PCDH9: variants seen among roughly 807,000 people sequenced by gnomAD.
PCDH9 encodes protocadherin-9.
In PCDH9, 24 loss-of-function variants were observed where a neutral mutation model predicts 70.6. The observed-to-expected ratio is 0.34, with a 90% CI of 0.25 to 0.48. PCDH9 has a LOEUF of 0.48. Ranked by LOEUF, PCDH9 falls within the 20% of genes least tolerant of loss-of-function variation. The probability of loss-of-function intolerance (pLI) is 0.99; values close to 1 mark genes in which losing one functional copy is unlikely to be tolerated. For synonymous variants in PCDH9, 562 were observed against 558.5 expected (o/e 1.01, Z -0.09); for missense variants, 1,281 against 1,503.6 (o/e 0.85, Z 2.45).
intron 4 of PCDH9, among the ~76,000 whole-genome samples, chr13:66,586,121 T>C (rs2076959714): frequency 6.6e-6 from 1 of 152,156 alleles, no homozygotes; most frequent in South Asian, 2.1e-4. Flanking sequence ...AACTAAATGA[T>C]GGCTTAATAG....
chr13:66,893,067 C>T (rs1262300433), intron 3 of PCDH9, among the ~76,000 whole-genome samples: 2 of 152,022 alleles, frequency 1.3e-5, no homozygotes, highest in Non-Finnish European at 2.9e-5. Context: ...CTTTGAGTAT[C>T]ATTTATAATC....
rs1368539979 is a variant in PCDH9, at chr13:66,545,840, T to C, written c.3340+85370A>G. On this transcript the variant is annotated intron_variant, in intron 4 of 4. Transcript: ENST00000377865. The stretch of plus-strand genomic sequence containing the variant: ...TTTATTTTATTTTATTTTATTTATT[T>C]ATTTATTTATTTATTTTGAGACGGA... Among the ~76,000 whole-genome samples, 2 of 150,766 alleles carry C rather than the reference T, an allele frequency of 1.3e-5. 1 individual carries two copies. The highest frequency in any genetic ancestry group is 4.9e-5 in the African/African-American group (2 of 41,192).
intron 3 of PCDH9, among the ~76,000 whole-genome samples, chr13:66,711,935 G>T (rs1203371487): frequency 6.6e-6 from 1 of 152,104 alleles, no homozygotes; most frequent in Non-Finnish European, 1.5e-5. Flanking sequence ...TTATGTCTCT[G>T]CTTTCCAGTT....
At chr13:66,873,828 C>T (rs1345075279) in intron 3 of PCDH9, among the ~76,000 whole-genome samples, 2 of 151,944 alleles carry the variant, frequency 1.3e-5, no homozygotes, top group Non-Finnish European at 2.9e-5. Context: ...AATTTGGTGC[C>T]CAGAATTGAA....
intron 3 of PCDH9, among the ~76,000 whole-genome samples, chr13:66,881,636 T>G (rs965511354): frequency 2.6e-5 from 4 of 152,206 alleles, no homozygotes; most frequent in Non-Finnish European, 5.9e-5. Flanking sequence ...TTGAAGATAT[T>G]TCACAAAATA....
At chr13:66,911,427 A>T (rs2082464437) in intron 2 of PCDH9, among the ~76,000 whole-genome samples, 1 of 152,242 alleles carries the variant, frequency 6.6e-6, no homozygotes, top group Non-Finnish European at 1.5e-5. Context: ...TCAAGTCATT[A>T]CTAACCAAGG....
chr13:66,490,396 GA>G (rs1354293138), intron 4 of PCDH9, among the ~76,000 whole-genome samples: 2 of 152,252 alleles, frequency 1.3e-5, no homozygotes, highest in African/African-American at 4.8e-5. Context: ...GCTCTCAAGG[GA>G]AAACTTGTTG....
intron 3 of PCDH9, among the ~76,000 whole-genome samples, chr13:66,892,236 G>C (rs1472489949): frequency 6.8e-6 from 1 of 147,990 alleles, no homozygotes; most frequent in African/African-American, 2.5e-5. Context: ...TATATAATGT[G>C]TGTGTGTATA....
intron 2 of PCDH9, among the ~76,000 whole-genome samples, chr13:67,188,757 T>C (rs1389870016): frequency 1.3e-5 from 2 of 152,102 alleles, no homozygotes; most frequent in Non-Finnish European, 2.9e-5. Flanking sequence ...GAAAGTTCCT[T>C]TTTATAAGAG....
intron 4 of PCDH9, among the ~76,000 whole-genome samples, chr13:66,535,810 T>C (rs1960674532): frequency 6.6e-6 from 1 of 151,990 alleles, no homozygotes; most frequent in African/African-American, 2.4e-5. Context: ...TAACATGCTC[T>C]CCAATTTTTC....
chr13:66,322,625 G>A (rs1265445414), intron 4 of PCDH9, among the ~76,000 whole-genome samples: 1 of 152,012 alleles, frequency 6.6e-6, no homozygotes, highest in Non-Finnish European at 1.5e-5. Context: ...GTTGGTGACT[G>A]CATGATAGAA....
intron 2 of PCDH9, among the ~76,000 whole-genome samples, chr13:67,044,334 T>C (rs994257005): frequency 6.6e-6 from 1 of 152,182 alleles, no homozygotes; most frequent in South Asian, 2.1e-4. Flanking sequence ...TTATTACTAG[T>C]GAGGCTAGAA....
intron 4 of PCDH9, among the ~76,000 whole-genome samples, chr13:66,619,076 T>C (rs1469649225): frequency 1.3e-5 from 2 of 152,214 alleles, no homozygotes; most frequent in African/African-American, 4.8e-5. Context: ...ACATTTGAGA[T>C]TGACAGCTTC....
chr13:66,874,392 G>C (rs1282419274), intron 3 of PCDH9, among the ~76,000 whole-genome samples: 1 of 151,930 alleles, frequency 6.6e-6, no homozygotes, highest in Non-Finnish European at 1.5e-5. Context: ...TTTTATTGTA[G>C]TCACTTAGAG....
chr13:66,607,553 A>G (rs2077236827), intron 4 of PCDH9, among the ~76,000 whole-genome samples: 1 of 152,082 alleles, frequency 6.6e-6, no homozygotes, highest in Non-Finnish European at 1.5e-5. Context: ...TCCCAAAGTT[A>G]GTATTAATTT....
rs1030766902 is a variant in PCDH9 at position 66,405,975 on chromosome 13, G to T, written c.3341-100947C>A. 2.0e-5 allele frequency among the ~76,000 whole-genome samples: 3 copies of T among 152,246 alleles called. No homozygotes were observed. The East Asian group carries it at 5.8e-4, about 29-fold the overall frequency. ...ATGAGTCAGGGAGGAGGTGATGCTA[G>T]AGAGAGATTATTTTAATAGTGGTTG... On this transcript the variant is annotated intron_variant, in intron 4 of 4. Transcript: ENST00000377865.
intron 3 of PCDH9, among the ~76,000 whole-genome samples, chr13:66,775,316 CT>C (rs1269149697): frequency 6.6e-6 from 1 of 152,088 alleles, no homozygotes; most frequent in Non-Finnish European, 1.5e-5. Flanking sequence ...CAAATGGGGC[CT>C]TTTTAAGAGC....
intron 2 of PCDH9, among the ~76,000 whole-genome samples, chr13:67,139,829 A>G (rs1354280915): frequency 6.6e-6 from 1 of 152,200 alleles, no homozygotes; most frequent in Non-Finnish European, 1.5e-5. Flanking sequence ...AGCAGTTCAC[A>G]TCAGCTGACA....
chr13:66,314,326 C>G (rs1955613490), intron 4 of PCDH9, among the ~76,000 whole-genome samples: 1 of 152,208 alleles, frequency 6.6e-6, no homozygotes, highest in African/African-American at 2.4e-5. Context: ...TTCTCATCAA[C>G]AAATTCTGAA....
Sources: allele counts gnomAD v4.1 joint callset (sites outside exome capture counted in the v4.1 genomes callset), GRCh38; gene constraint gnomAD v4.1.1; transcripts MANE v1.5; gene names NCBI Gene and HGNC (gene_info 2026-07-23, HGNC 2026-07-21).